NARS2: variants seen among roughly 807,000 people sequenced by gnomAD.
NARS2 encodes the protein asparaginyl-tRNA synthetase 2, mitochondrial, also known as asparaginyl-tRNA synthetase.
A neutral mutation model predicts 62.9 loss-of-function variants in NARS2; 60 were observed. The observed-to-expected ratio is 0.95, with a 90% CI of 0.77 to 1.18. NARS2 has a LOEUF of 1.18. NARS2 is among the 50% of genes most tolerant of loss of function. The pLI is 0.00. For missense variants in NARS2, 619 were observed against 576.4 expected (o/e 1.07, Z -0.76); for synonymous variants, 196 against 200.0 (o/e 0.98, Z 0.17).
intron 11 of NARS2, among the ~76,000 whole-genome samples, chr11:78,448,996 T>G (rs1303725753): frequency 6.6e-6 from 1 of 152,220 alleles, no homozygotes; most frequent in Non-Finnish European, 1.5e-5. Context: ...TCCTTTAATA[T>G]TTGAGTTCAG....
intron 6 of NARS2, among the ~76,000 whole-genome samples, chr11:78,513,544 G>A (rs777854502): frequency 1.3e-5 from 2 of 152,052 alleles, no homozygotes; most frequent in Admixed American, 6.6e-5. Flanking sequence ...TAGGGAAGCC[G>A]AGGCGGGCGG....
At chr11:78,568,416 C>T (rs1856811177) in intron 3 of NARS2, among the ~76,000 whole-genome samples, 1 of 152,178 alleles carries the variant, frequency 6.6e-6, no homozygotes, top group Non-Finnish European at 1.5e-5. Flanking sequence ...AACTGTGACA[C>T]ACACCACAGA....
At chr11:78,551,082 G>A (rs1009622942) in intron 5 of NARS2, among the ~76,000 whole-genome samples, 5 of 152,208 alleles carry the variant, frequency 3.3e-5, no homozygotes, top group Non-Finnish European at 7.3e-5. Flanking sequence ...GCAAGGGGCT[G>A]CTACTGGGTA....
intron 11 of NARS2, among the ~76,000 whole-genome samples, chr11:78,446,943 A>T (rs568161974): frequency 3.3e-5 from 5 of 152,196 alleles, no homozygotes; most frequent in Admixed American, 2.6e-4. Context: ...CAAACCATAC[A>T]TCTTATAAGG....
At chr11:78,501,793 C>T (rs1452765410) in intron 6 of NARS2, among the ~76,000 whole-genome samples, 2 of 152,084 alleles carry the variant, frequency 1.3e-5, no homozygotes, top group African/African-American at 4.8e-5. Flanking sequence ...GGTGGCTGCT[C>T]AATAAATTAA....
chr11:78,450,412 A>T (rs1424630164), intron 11 of NARS2, among the ~76,000 whole-genome samples: 1 of 152,200 alleles, frequency 6.6e-6, no homozygotes. Flanking sequence ...ATTTAATGGT[A>T]TGCAGGAGGA....
At chr11:78,538,994 C>CAAAAAAAAAAAAA (rs59917269) in intron 5 of NARS2, among the ~76,000 whole-genome samples, 26 of 49,792 alleles carry the variant, frequency 5.2e-4, no homozygotes, top group South Asian at 1.8e-3. Context: ...GAATCCGTCT[C>CAAAAAAAAAAAAA]AAAAAAAAAA....
intron 9 of NARS2, among the ~76,000 whole-genome samples, chr11:78,471,530 C>CT (rs931115290): frequency 6.8e-6 from 1 of 147,962 alleles, no homozygotes; most frequent in South Asian, 2.2e-4. Flanking sequence ...CTTTTTTTTT[C>CT]TTTTTTTTCT....
At chr11:78,529,084 T>A in intron 5 of NARS2, 148 bp from the exon 6 acceptor site, 1 of 588,130 alleles carries the variant, frequency 1.7e-6, no homozygotes, top group African/African-American at 1.9e-5. Flanking sequence ...TAGTTACACA[T>A]CTAAGACAAA....
In NARS2 at chr11:78,465,779, T is replaced by TA. The variant is rs1206634155; in HGVS notation, c.1164+96dup. 1.1e-5 allele frequency: 15 copies of TA among 1,328,084 alleles called. No homozygotes were observed. The Admixed American group carries it at 2.5e-4, about 23-fold the overall frequency. The allele number at this position is 1,328,084 out of a possible 1,614,324, so 82.3% of individuals were successfully genotyped here. A position where few individuals can be genotyped will look rare whatever the true frequency, so the allele number is the denominator to read the frequency against. ...TGAAAAACATTATCATTTTAAGAGA[T>TA]AGAGTGATAGATGACATTTAAGAAA... On this transcript the variant is annotated intron_variant, in intron 11 of 13. Coordinates refer to ENST00000281038, the MANE Select transcript of NARS2 (RefSeq NM_024678.6).
intron 11 of NARS2, among the ~76,000 whole-genome samples, chr11:78,461,617 A>AAAAAAAAAT (rs1858400152): frequency 6.7e-6 from 1 of 150,336 alleles, no homozygotes; most frequent in African/African-American, 2.4e-5. Flanking sequence ...AAAAAAAAAA[A>AAAAAAAAAT]AAAAAAAAAA....
At chr11:78,448,069 TAGATA>T (rs1857825334) in intron 11 of NARS2, among the ~76,000 whole-genome samples, 2 of 152,156 alleles carry the variant, frequency 1.3e-5, no homozygotes, top group African/African-American at 4.8e-5. Flanking sequence ...ATAAAAATGA[TAGATA>T]AGTCAGGTGA....
intron 11 of NARS2, among the ~76,000 whole-genome samples, chr11:78,462,227 G>A (rs1370425115): frequency 6.6e-6 from 1 of 152,078 alleles, no homozygotes; most frequent in African/African-American, 2.4e-5. Context: ...ATGGGCTGGA[G>A]TGATGAAAAA....
At chr11:78,495,787 G>T (rs1860032201) in intron 6 of NARS2, among the ~76,000 whole-genome samples, 1 of 152,186 alleles carries the variant, frequency 6.6e-6, no homozygotes, top group African/African-American at 2.4e-5. Context: ...ACAAGGCCCT[G>T]AGTTTCCAAT....
At chr11:78,499,938 T>A (rs1860220922) in intron 6 of NARS2, among the ~76,000 whole-genome samples, 1 of 152,208 alleles carries the variant, frequency 6.6e-6, no homozygotes, top group Admixed American at 6.5e-5. Context: ...CTTACTCGTG[T>A]CGAAATTATC....
chr11:78,493,273 A>G, intron 6 of NARS2, 78 bp from the exon 7 acceptor site: 1 of 1,425,870 alleles, frequency 7.0e-7, no homozygotes, highest in Non-Finnish European at 9.6e-7. Flanking sequence ...GTGAGCTCTT[A>G]CGGAAAATAA....
At chr11:78,478,033 C>G (rs1201297157) in intron 9 of NARS2, among the ~76,000 whole-genome samples, 3 of 152,148 alleles carry the variant, frequency 2.0e-5, no homozygotes, top group Non-Finnish European at 4.4e-5. Flanking sequence ...CTGTGGTAAT[C>G]TCTTAGTTTT....
At chr11:78,521,793 A>T (rs2135412897) in intron 6 of NARS2, among the ~76,000 whole-genome samples, 1 of 150,640 alleles carries the variant, frequency 6.6e-6, no homozygotes, top group Admixed American at 6.6e-5. Context: ...CCGTCTCAAA[A>T]AAAAAAAAAA....
chr11:78,569,047 AAAGATTAC>A (rs1466349455), intron 2 of NARS2, among the ~76,000 whole-genome samples: 5 of 152,234 alleles, frequency 3.3e-5, no homozygotes, highest in African/African-American at 1.2e-4. Flanking sequence ...ACACTTTTTA[AAAGATTAC>A]AGAATACATG....
Sources: gnomAD v4.1 joint callset for allele counts (sites outside exome capture counted in the v4.1 genomes callset) on GRCh38, gnomAD v4.1.1 for gene constraint, MANE v1.5 for transcripts, NCBI Gene and HGNC (gene_info 2026-07-23, HGNC 2026-07-21) for gene names.